The following ATP9A variants were observed in gnomAD, a reference collection of about 807,000 sequenced individuals.
ATP9A encodes ATPase phospholipid transporting 9A.
ATP9A carries 52 observed loss-of-function variants against 144.1 expected under a neutral mutation model. The ratio of observed to expected loss-of-function variants is 0.36; its 90% confidence interval spans 0.29 to 0.45. The LOEUF is 0.45. ATP9A is among the 20% of genes least tolerant of loss of function. ATP9A has a pLI of 1.00. For synonymous variants in ATP9A, 582 were observed against 557.4 expected (o/e 1.04, Z -0.62); for missense variants, 947 against 1,392.7 (o/e 0.68, Z 5.09).
intron 1 of ATP9A, among the ~76,000 whole-genome samples, chr20:51,747,482 G>A (rs2077813715): frequency 6.6e-6 from 1 of 152,124 alleles, no homozygotes; most frequent in Non-Finnish European, 1.5e-5. Flanking sequence ...ATACACTCCA[G>A]GGAAAGATCC....
intron 1 of ATP9A, among the ~76,000 whole-genome samples, chr20:51,748,183 G>A (rs937247365): frequency 3.9e-5 from 6 of 152,168 alleles, no homozygotes; most frequent in Admixed American, 6.6e-5. Flanking sequence ...AGTGGCTCAC[G>A]CCTGTAATCC....
chr20:51,683,035 T>A (rs1007702734), intron 9 of ATP9A, among the ~76,000 whole-genome samples: 2 of 149,742 alleles, frequency 1.3e-5, no homozygotes, highest in Non-Finnish European at 3.0e-5. Flanking sequence ...GAGGTTGCAA[T>A]GAGCAGAGAT....
chr20:51,687,061 A>AT (rs2077526278), intron 9 of ATP9A, among the ~76,000 whole-genome samples: 1 of 152,198 alleles, frequency 6.6e-6, no homozygotes, highest in Admixed American at 6.5e-5. Context: ...TTATCAAAGA[A>AT]TAAAAAGAGT....
chr20:51,751,036 A>C (rs1324877379), intron 1 of ATP9A, among the ~76,000 whole-genome samples: 1 of 152,158 alleles, frequency 6.6e-6, no homozygotes, highest in African/African-American at 2.4e-5. Context: ...CCTTGCAGCC[A>C]TGGGTCACGC....
intron 1 of ATP9A, among the ~76,000 whole-genome samples, chr20:51,761,818 C>CT (rs964500944): frequency 5.9e-5 from 9 of 152,060 alleles, no homozygotes; most frequent in African/African-American, 2.2e-4. Flanking sequence ...GTTTATTACC[C>CT]TACAGTTAGG....
chr20:51,658,848 T>C, intron 13 of ATP9A, among the ~76,000 whole-genome samples: 1 of 136,942 alleles, frequency 7.3e-6, no homozygotes, highest in Non-Finnish European at 1.5e-5. Context: ...GAAGAAAGGG[T>C]TCTACTGCTT....
chr20:51,636,829 G>A (rs1226136569), intron 15 of ATP9A, among the ~76,000 whole-genome samples: 8 of 152,216 alleles, frequency 5.3e-5, no homozygotes, highest in Non-Finnish European at 1.2e-4. Flanking sequence ...GCCCCTGGGC[G>A]GGGTAATCCC....
At chr20:51,767,337 A>G (rs1196577900) in intron 1 of ATP9A, among the ~76,000 whole-genome samples, 1 of 151,706 alleles carries the variant, frequency 6.6e-6, no homozygotes, top group Non-Finnish European at 1.5e-5. Context: ...GCCCCCCAGA[A>G]CTCTGATTGG....
At chr20:51,692,995 G>A (rs551196562) in intron 7 of ATP9A, among the ~76,000 whole-genome samples, 14 of 152,200 alleles carry the variant, frequency 9.2e-5, no homozygotes, top group African/African-American at 2.2e-4. Flanking sequence ...TCCATGTGAC[G>A]TGAGCACAGG....
At chr20:51,602,023 G>A (rs1444996596) in intron 27 of ATP9A, among the ~76,000 whole-genome samples, 1 of 152,226 alleles carries the variant, frequency 6.6e-6, no homozygotes, top group Non-Finnish European at 1.5e-5. Flanking sequence ...CCACTGGCGA[G>A]CAGAAAATGA....
chr20:51,601,333 C>A lies in ATP9A; in HGVS notation c.3022G>T (p.Ala1008Ser). ...LHEFIDVYFI[A>S]TLSFLWKVSV... ...ACTTTCCACAAGAATGACAAGGTGG[C>A]GATGAAGTACACATCTGCAAGGAAA... The change falls in exon 28 of 28, where the codon GCC (alanine) becomes TCC (serine). Residue 1008 changes from alanine to serine, a missense_variant. Ala to Ser is a moderately conservative substitution (Grantham distance 99). Coordinates refer to ENST00000338821, the MANE Select transcript of ATP9A (RefSeq NM_006045.3). 5.0e-6 allele frequency: 8 copies of A among 1,611,628 alleles called. No individual in the cohort carries two copies. The highest frequency in any genetic ancestry group is 6.8e-6 in the Non-Finnish European group (8 of 1,178,760).
chr20:51,621,926 C>A (rs2122724328), intron 19 of ATP9A, 148 bp downstream of exon 19: 1 of 662,026 alleles, frequency 1.5e-6, no homozygotes. Context: ...CATTAATCAT[C>A]CCATCCAAAG....
Position 51,755,359 on chromosome 20 carries a change from C to T in ATP9A, c.68+12943G>A, listed in dbSNP as rs1345549672. ...CTGAGGCAGGAGAATCGCTTGAACC[C>T]AGGAGGCGGAGGTTGCAGGGAGCCA... On this transcript the variant is annotated intron_variant, in intron 1 of 27. Transcript: ENST00000338821. 4.0e-5 allele frequency among the ~76,000 whole-genome samples: 6 copies of T among 151,806 alleles called. No homozygotes were observed. In the East Asian group the frequency reaches 1.2e-3, roughly 30 times the overall value.
chr20:51,722,238 T>A (rs1176637138), intron 3 of ATP9A, among the ~76,000 whole-genome samples: 3 of 152,198 alleles, frequency 2.0e-5, no homozygotes, highest in Non-Finnish European at 4.4e-5. Context: ...CTATAAAAGT[T>A]CTAGAAGGTA....
At chr20:51,604,489 T>C (rs574628702) in intron 27 of ATP9A, among the ~76,000 whole-genome samples, 10 of 152,264 alleles carry the variant, frequency 6.6e-5, no homozygotes, top group Middle Eastern at 3.4e-3. Context: ...GTTTCATAGA[T>C]TGGACTTCAG....
At chr20:51,656,589 T>A (rs1057055347) in intron 14 of ATP9A, among the ~76,000 whole-genome samples, 6 of 152,110 alleles carry the variant, frequency 3.9e-5, no homozygotes, top group Non-Finnish European at 8.8e-5. Context: ...ATACTTTAAA[T>A]AGGTAGACTG....
At chr20:51,652,175 G>C (rs556473747) in intron 14 of ATP9A, among the ~76,000 whole-genome samples, 1 of 152,180 alleles carries the variant, frequency 6.6e-6, no homozygotes, top group Non-Finnish European at 1.5e-5. Context: ...GCTCGCTCCA[G>C]CATCTGAGCA....
At chr20:51,621,411 T>C (rs1192784867) in intron 19 of ATP9A, among the ~76,000 whole-genome samples, 2 of 152,096 alleles carry the variant, frequency 1.3e-5, no homozygotes, top group Non-Finnish European at 2.9e-5. Flanking sequence ...CTCCAGTGGT[T>C]TGCCATCGTG....
chr20:51,653,022 A>C (rs915698132), intron 14 of ATP9A, among the ~76,000 whole-genome samples: 1 of 150,118 alleles, frequency 6.7e-6, no homozygotes, highest in African/African-American at 2.5e-5. Flanking sequence ...AGGCAGAAGA[A>C]TGTTGTGAAC....
Sources: allele counts gnomAD v4.1 joint callset (sites outside exome capture counted in the v4.1 genomes callset), GRCh38; gene constraint gnomAD v4.1.1; transcripts MANE v1.5; gene names NCBI Gene and HGNC (gene_info 2026-07-23, HGNC 2026-07-21).